Variants in TAFA2 observed in about 807,000 individuals in gnomAD.
TAFA2 encodes chemokine-like protein TAFA-2.
Under a neutral mutation model 18.8 loss-of-function variants are expected in TAFA2, and 7 were observed. The observed-to-expected ratio is 0.37, with a 90% CI of 0.21 to 0.70. The LOEUF (loss-of-function observed/expected upper bound fraction) is 0.70, where lower values mean the gene tolerates loss of function less well. Ranked by LOEUF, TAFA2 falls within the 30% of genes least tolerant of loss-of-function variation. The pLI is 0.53. For synonymous variants in TAFA2, 60 were observed against 54.2 expected, an observed-to-expected ratio of 1.11 and a Z score of -0.47; for missense variants, 122 against 158.1, an observed-to-expected ratio of 0.77 and a Z score of 1.23.
intron 2 of TAFA2, among the ~76,000 whole-genome samples, chr12:61,794,698 G>T (rs538070136): frequency 2.0e-5 from 3 of 151,988 alleles, no homozygotes; most frequent in African/African-American, 7.2e-5. Context: ...GAAATGCAAA[G>T]GACATAAAAT....
At chr12:62,036,056 G>A (rs976863507) in intron 1 of TAFA2, among the ~76,000 whole-genome samples, 2 of 151,880 alleles carry the variant, frequency 1.3e-5, no homozygotes, top group African/African-American at 2.4e-5. Flanking sequence ...TCTTTCTTTT[G>A]GTGACCTGTC....
At chr12:61,916,052 T>C (rs1298036890) in intron 1 of TAFA2, among the ~76,000 whole-genome samples, 1 of 152,234 alleles carries the variant, frequency 6.6e-6, no homozygotes, top group Non-Finnish European at 1.5e-5. Flanking sequence ...TTGTCCCTGA[T>C]TGATCTAAGC....
At chr12:62,128,646 G>A (rs1870561268) in intron 1 of TAFA2, among the ~76,000 whole-genome samples, 1 of 151,928 alleles carries the variant, frequency 6.6e-6, no homozygotes, top group South Asian at 2.1e-4. Flanking sequence ...TTCCATAGCT[G>A]TGCAGGATGG....
At chr12:62,046,447 GA>G (rs569195076) in intron 1 of TAFA2, among the ~76,000 whole-genome samples, 88 of 145,478 alleles carry the variant, frequency 6.0e-4, no homozygotes, top group East Asian at 2.2e-3. Context: ...AAGTGCTAAA[GA>G]AAAAAAAAAC....
Position 61,795,945 on chromosome 12 carries a change from G to A in TAFA2, c.107-40921C>T, listed in dbSNP as rs191217354. Reference sequence around the variant, plus strand: ...GACTTTCAACATACCTATTAGAAACGCCAAAATTAAAAACACTTACTACAC... The same window carrying A: ...GACTTTCAACATACCTATTAGAAACACCAAAATTAAAAACACTTACTACAC... On this transcript the variant is annotated intron_variant, in intron 2 of 4. Coordinates refer to ENST00000416284, the MANE Select transcript of TAFA2 (RefSeq NM_178539.5). 5.0e-3 allele frequency among the ~76,000 whole-genome samples: 752 copies of A among 151,882 alleles called. 7 individuals are homozygous for A. The highest frequency in any genetic ancestry group is 8.8e-3 in the Admixed American group (134 of 15,238).
chr12:62,234,611 G>C (rs538955990), intron 1 of TAFA2: 14 of 820,820 alleles, frequency 1.7e-5, no homozygotes, highest in South Asian at 5.4e-5. Flanking sequence ...TGCACAAATA[G>C]GGCCTCTCAC....
In TAFA2 at chr12:62,115,882, AC is replaced by A. The variant is rs1343677777; in HGVS notation, c.-2+75376del. 5.3e-5 allele frequency among the ~76,000 whole-genome samples: 8 copies of A among 152,262 alleles called. No homozygotes were observed. The East Asian group carries it at 1.5e-3, about 29-fold the overall frequency. ...AGCCCCATTACGTCTAGCTGGCTCA[AC>A]TTCAGTAAAATCATTTGACCCTGTT... On this transcript the variant is annotated intron_variant, in intron 1 of 4. Coordinates refer to ENST00000416284, the MANE Select transcript of TAFA2 (RefSeq NM_178539.5).
chr12:62,247,765 T>G (rs917762188), intron 1 of TAFA2, among the ~76,000 whole-genome samples: 2 of 152,216 alleles, frequency 1.3e-5, no homozygotes, highest in African/African-American at 4.8e-5. Context: ...CCTTGCAGAT[T>G]CCCAAAGACC....
chr12:61,881,961 A>T (rs1003906901), intron 1 of TAFA2, among the ~76,000 whole-genome samples: 10 of 152,228 alleles, frequency 6.6e-5, no homozygotes, highest in Admixed American at 2.6e-4. Context: ...ACAAAAAAAA[A>T]ATCTTGGTTA....
At chr12:62,179,459 A>C in intron 1 of TAFA2, among the ~76,000 whole-genome samples, 1 of 152,156 alleles carries the variant, frequency 6.6e-6, no homozygotes, top group East Asian at 1.9e-4. Context: ...ATGATCAGTA[A>C]TTTTTTTCCA....
intron 1 of TAFA2, chr12:62,104,844 T>C: frequency 2.9e-6 from 1 of 347,952 alleles, no homozygotes; most frequent in Non-Finnish European, 5.8e-6. Flanking sequence ...GGCTCAAGTT[T>C]GGCTCCTACG....
At chr12:62,152,335 C>G (rs1461662381) in intron 1 of TAFA2, among the ~76,000 whole-genome samples, 1 of 152,122 alleles carries the variant, frequency 6.6e-6, no homozygotes, top group Non-Finnish European at 1.5e-5. Context: ...CATAAGAAAA[C>G]CCCCAGGAAG....
chr12:62,131,902 G>T (rs1278073677), intron 1 of TAFA2, among the ~76,000 whole-genome samples: 2 of 151,670 alleles, frequency 1.3e-5, no homozygotes, highest in African/African-American at 2.4e-5. Context: ...TGTTTCACTA[G>T]AAATTTAGTA....
chr12:61,868,489 C>A (rs78431378), intron 1 of TAFA2, among the ~76,000 whole-genome samples: 3,463 of 152,208 alleles, frequency 0.023, 136 homozygotes, highest in African/African-American at 0.079. Flanking sequence ...TTCTTGCCTG[C>A]CCTGCTTTTA....
intron 2 of TAFA2, among the ~76,000 whole-genome samples, chr12:61,836,895 T>C (rs1872956682): frequency 6.6e-6 from 1 of 151,326 alleles, no homozygotes; most frequent in Non-Finnish European, 1.5e-5. Flanking sequence ...TTATTCCTTA[T>C]TGATTTGAAA....
intron 1 of TAFA2, among the ~76,000 whole-genome samples, chr12:62,211,579 C>CA (rs10708260): frequency 0.016 from 2,027 of 128,170 alleles, 13 homozygotes; most frequent in East Asian, 0.023. Flanking sequence ...GGCTCCGTCT[C>CA]AAAAAAAAAA....
At chr12:61,877,377 T>C (rs1874898857) in intron 1 of TAFA2, among the ~76,000 whole-genome samples, 1 of 152,160 alleles carries the variant, frequency 6.6e-6, no homozygotes, top group South Asian at 2.1e-4. Flanking sequence ...GATGCAGGTA[T>C]TTTCCTGCAG....
intron 1 of TAFA2, among the ~76,000 whole-genome samples, chr12:61,953,127 G>A (rs576200171): frequency 6.6e-6 from 1 of 152,108 alleles, no homozygotes; most frequent in South Asian, 2.1e-4. Flanking sequence ...TTGAGGTGAA[G>A]AGAAGCAATA....
chr12:62,021,872 G>A (rs1307709417), intron 1 of TAFA2: 17 of 768,172 alleles, frequency 2.2e-5, no homozygotes, highest in South Asian at 9.4e-5. Flanking sequence ...CTCCGTCCTC[G>A]GAGTTTCCCA....
Sources: gnomAD v4.1 joint callset for allele counts (sites outside exome capture counted in the v4.1 genomes callset) on GRCh38, gnomAD v4.1.1 for gene constraint, MANE v1.5 for transcripts, NCBI Gene and HGNC (gene_info 2026-07-23, HGNC 2026-07-21) for gene names.